The following CDH12 variants were observed in gnomAD, a reference collection of about 807,000 sequenced individuals.
The protein encoded by CDH12 is cadherin-12.
CDH12 carries 41 observed loss-of-function variants against 74.1 expected under a neutral mutation model. The ratio of observed to expected loss-of-function variants is 0.55; its 90% confidence interval spans 0.43 to 0.72. The LOEUF (loss-of-function observed/expected upper bound fraction) is 0.72. Among genes scored for constraint, CDH12 ranks in the 30% least tolerant of loss-of-function variants. The probability of loss-of-function intolerance (pLI) is 0.00; values close to 1 mark genes in which losing one functional copy is unlikely to be tolerated. For missense variants in CDH12, 945 were observed against 977.2 expected (o/e 0.97, Z 0.44); for synonymous variants, 399 against 355.0 (o/e 1.12, Z -1.39).
chr5:22,626,960 G>GC (rs1309017494), intron 1 of CDH12, among the ~76,000 whole-genome samples: 8 of 152,282 alleles, frequency 5.3e-5, no homozygotes, highest in African/African-American at 1.9e-4. Flanking sequence ...TAATACAATT[G>GC]CAAGTATTAA....
At chr5:22,058,027 ATC>A (rs1354943295) in intron 5 of CDH12, among the ~76,000 whole-genome samples, 1 of 147,968 alleles carries the variant, frequency 6.8e-6, no homozygotes, top group Non-Finnish European at 1.5e-5. Context: ...CTATCTATCT[ATC>A]TATCTATCTA....
chr5:22,432,111 C>A (rs905138892), intron 2 of CDH12, among the ~76,000 whole-genome samples: 4 of 151,902 alleles, frequency 2.6e-5, no homozygotes, highest in Admixed American at 1.3e-4. Context: ...ACAATAAGTG[C>A]GGTATTGAAG....
chr5:22,793,472 G>A (rs545598411), intron 1 of CDH12, among the ~76,000 whole-genome samples: 1 of 152,282 alleles, frequency 6.6e-6, no homozygotes, highest in Admixed American at 6.5e-5. Context: ...CTAAAGGAAT[G>A]TGCTAGAACC....
chr5:21,835,054 G>A (rs75366362), intron 8 of CDH12, among the ~76,000 whole-genome samples: 1 of 151,792 alleles, frequency 6.6e-6, no homozygotes, highest in Admixed American at 6.6e-5. Flanking sequence ...TATGCTGGGG[G>A]TGTTATCAGT....
chr5:22,080,086 G>A (rs375940764), intron 4 of CDH12, among the ~76,000 whole-genome samples: 4 of 152,050 alleles, frequency 2.6e-5, no homozygotes, highest in African/African-American at 9.7e-5. Flanking sequence ...ACAGTGCTTC[G>A]AGCCTATAAG....
chr5:22,671,462 T>C (rs1409694389), intron 1 of CDH12, among the ~76,000 whole-genome samples: 2 of 152,084 alleles, frequency 1.3e-5, no homozygotes, highest in Non-Finnish European at 1.5e-5. Context: ...GGGTATTCTT[T>C]CTTGTGGGGA....
At chr5:22,849,982 C>A (rs1207817821) in intron 1 of CDH12, among the ~76,000 whole-genome samples, 1 of 151,890 alleles carries the variant, frequency 6.6e-6, no homozygotes, top group Non-Finnish European at 1.5e-5. Context: ...AAACATATGC[C>A]TTGTTTTCAA....
chr5:22,643,204 A>G (rs1191464685), intron 1 of CDH12, among the ~76,000 whole-genome samples: 1 of 152,146 alleles, frequency 6.6e-6, no homozygotes, highest in East Asian at 1.9e-4. Flanking sequence ...GGAACTCCCA[A>G]TCGTTTTCTC....
intron 2 of CDH12, among the ~76,000 whole-genome samples, chr5:22,452,880 C>CAAAAAAAAAAAAAAAAAAA (rs768945480): frequency 2.2e-4 from 7 of 32,202 alleles, no homozygotes; most frequent in African/African-American, 5.8e-4. Flanking sequence ...AACCTAAGAG[C>CAAAAAAAAAAAAAAAAAAA]AAAAAAAAAA....
At chr5:21,804,298 A>T (rs200937633) in intron 9 of CDH12, among the ~76,000 whole-genome samples, 1 of 152,216 alleles carries the variant, frequency 6.6e-6, no homozygotes, top group East Asian at 1.9e-4. Flanking sequence ...GTAGTATCTG[A>T]AAAAAAGAGA....
chr5:22,117,196 T>A (rs1745168719), intron 4 of CDH12, among the ~76,000 whole-genome samples: 1 of 150,996 alleles, frequency 6.6e-6, no homozygotes, highest in Non-Finnish European at 1.5e-5. Context: ...GCTATGACTC[T>A]ATGAAATATT....
chr5:21,830,265 C>T (rs2149965667), intron 8 of CDH12, among the ~76,000 whole-genome samples: 1 of 140,280 alleles, frequency 7.1e-6, no homozygotes, highest in African/African-American at 2.6e-5. Context: ...CTCTGCTTCT[C>T]TTTTGAGGAT....
chr5:22,718,636 C>A (rs1743712727), intron 1 of CDH12, among the ~76,000 whole-genome samples: 1 of 152,092 alleles, frequency 6.6e-6, no homozygotes, highest in Non-Finnish European at 1.5e-5. Flanking sequence ...GGTGGGAGCT[C>A]AGGGTCACTC....
At chr5:22,445,576 T>C (rs1288699700) in intron 2 of CDH12, among the ~76,000 whole-genome samples, 3 of 152,152 alleles carry the variant, frequency 2.0e-5, no homozygotes, top group Non-Finnish European at 4.4e-5. Context: ...CCTAGTCCTG[T>C]GTAAAACAAA....
In CDH12 at chr5:22,459,793, C is replaced by T. The variant is rs184333070; in HGVS notation, c.-428+45477G>A. Among the ~76,000 whole-genome samples, 11 of 151,972 alleles carry T rather than the reference C, an allele frequency of 7.2e-5. No individual in the cohort carries two copies. In the South Asian group the frequency reaches 1.0e-3, roughly 14 times the overall value. ...CATCCTGGTTAATACGGTGAAACCC[C>T]GTCTCTATTAAAAACACAAAAAATT... On this transcript the variant is annotated intron_variant, in intron 2 of 14. Coordinates refer to ENST00000382254, the MANE Select transcript of CDH12 (RefSeq NM_004061.5).
intron 2 of CDH12, among the ~76,000 whole-genome samples, chr5:22,433,424 A>C (rs1744252837): frequency 6.6e-6 from 1 of 152,162 alleles, no homozygotes; most frequent in Non-Finnish European, 1.5e-5. Flanking sequence ...GTTACCTGAC[A>C]CAACGGTTGT....
At chr5:22,625,619 C>T (rs973921925) in intron 1 of CDH12, among the ~76,000 whole-genome samples, 2 of 152,176 alleles carry the variant, frequency 1.3e-5, no homozygotes, top group Admixed American at 1.3e-4. Flanking sequence ...TAGACCTGGA[C>T]AGAGCATGGC....
intron 3 of CDH12, among the ~76,000 whole-genome samples, chr5:22,263,344 TAAAG>T (rs938831928): frequency 1.3e-4 from 19 of 151,608 alleles, no homozygotes; most frequent in Non-Finnish European, 2.5e-4. Context: ...AAAATAAAAA[TAAAG>T]AAAGAAAGGA....
chr5:22,438,253 A>G (rs1744485361), intron 2 of CDH12, among the ~76,000 whole-genome samples: 1 of 152,036 alleles, frequency 6.6e-6, no homozygotes, highest in Non-Finnish European at 1.5e-5. Flanking sequence ...ATTTGAATCG[A>G]ACAACAAATT....
Sources: allele counts gnomAD v4.1 joint callset (sites outside exome capture counted in the v4.1 genomes callset), GRCh38; gene constraint gnomAD v4.1.1; transcripts MANE v1.5; gene names NCBI Gene and HGNC (gene_info 2026-07-23, HGNC 2026-07-21).